Variants in BPIFC observed in about 807,000 individuals in gnomAD.
The protein encoded by BPIFC is BPI fold containing family C.
A neutral mutation model predicts 57.6 loss-of-function variants in BPIFC; 60 were observed. The ratio of observed to expected loss-of-function variants is 1.04; its 90% CI spans 0.85 to 1.29. The LOEUF is 1.29. Among genes scored for constraint, BPIFC ranks in the 50% most tolerant of loss-of-function variants. The probability of loss-of-function intolerance (pLI) is 0.00; values close to 1 mark genes in which losing one functional copy is unlikely to be tolerated. For missense variants in BPIFC, 581 were observed against 600.5 expected (o/e 0.97, Z 0.34); for synonymous variants, 243 against 224.5 (o/e 1.08, Z -0.74).
intron 7 of BPIFC, among the ~76,000 whole-genome samples, chr22:32,444,176 C>A (rs1041110705): frequency 6.6e-6 from 1 of 152,156 alleles, no homozygotes; most frequent in South Asian, 2.1e-4. Context: ...GCAAAAGGAC[C>A]GTGCCTCGTT....
chr22:32,417,179 G>A, intron 14 of BPIFC, 31 bp from the exon 15 acceptor site: 1 of 1,437,434 alleles, frequency 7.0e-7, no homozygotes, highest in African/African-American at 1.5e-5. Flanking sequence ...GAATCAATTG[G>A]CAGATCGGGC....
chr22:32,443,523 C>G (rs1934630458), intron 7 of BPIFC, among the ~76,000 whole-genome samples: 1 of 152,204 alleles, frequency 6.6e-6, no homozygotes, highest in Admixed American at 6.5e-5. Context: ...TATCAGAGAT[C>G]TACTTAGAGA....
At chr22:32,431,004 GA>G (rs1252109861) in intron 13 of BPIFC, among the ~76,000 whole-genome samples, 1 of 151,730 alleles carries the variant, frequency 6.6e-6, no homozygotes, top group African/African-American at 2.4e-5. Context: ...TACTATAATG[GA>G]AAAAAGAAAA....
chr22:32,430,510 TATA>T (rs1344182871), intron 13 of BPIFC, among the ~76,000 whole-genome samples: 2 of 146,536 alleles, frequency 1.4e-5, no homozygotes, highest in Admixed American at 6.8e-5. Context: ...AGGAAATAAA[TATA>T]ATATATAAAA....
intron 1 of BPIFC, among the ~76,000 whole-genome samples, chr22:32,463,781 C>T (rs1412465844): frequency 6.6e-6 from 1 of 152,180 alleles, no homozygotes; most frequent in Non-Finnish European, 1.5e-5. Flanking sequence ...ATCCACTCCT[C>T]ACATCTAGTT....
chr22:32,424,083 ATGACTATATGC>A (rs1569447680), intron 13 of BPIFC, among the ~76,000 whole-genome samples: 1 of 152,100 alleles, frequency 6.6e-6, no homozygotes, highest in Non-Finnish European at 1.5e-5. Flanking sequence ...TTCTGGATCA[ATGACTATATGC>A]TGACTGTTGT....
intron 1 of BPIFC, among the ~76,000 whole-genome samples, chr22:32,462,191 G>GAAAAAAAAAAAAAAAAAAAAAAAAAA (rs1935179848): frequency 2.1e-5 from 2 of 95,002 alleles, no homozygotes; most frequent in Admixed American, 1.1e-4. Context: ...AAAAAAAAAA[G>GAAAAAAAAAAAAAAAAAAAAAAAAAA]AAAAAAGAAA....
intron 13 of BPIFC, among the ~76,000 whole-genome samples, chr22:32,424,660 T>TCC (rs1569448003): frequency 1.6e-5 from 1 of 60,988 alleles, no homozygotes; most frequent in East Asian, 4.9e-4. Flanking sequence ...CTTCTTCTTC[T>TCC]TCTTCTTCTT....
At chr22:32,425,110 C>T (rs901775877) in intron 13 of BPIFC, among the ~76,000 whole-genome samples, 2 of 152,108 alleles carry the variant, frequency 1.3e-5, no homozygotes, top group Non-Finnish European at 2.9e-5. Context: ...CAAAGCTCTT[C>T]ACTACATCAA....
At chr22:32,415,059 T>A (rs1933630076) in intron 16 of BPIFC, among the ~76,000 whole-genome samples, 1 of 152,236 alleles carries the variant, frequency 6.6e-6, no homozygotes, top group Non-Finnish European at 1.5e-5. Context: ...GATTGGGGGA[T>A]GGTTTCGGGA....
In BPIFC at chr22:32,443,364, C is replaced by T. The variant is rs1027080482; in HGVS notation, c.595-633G>A. Among the ~76,000 whole-genome samples the T allele has an allele frequency of 5.9e-5, 9 of 152,178 alleles. 1 individual carries two copies. Among genetic ancestry groups the T allele is most frequent in the South Asian group, 4.1e-4 (2 of 4,820 alleles). Reference sequence around the variant, plus strand: ...ATTTTTAGTAGAGACGGGGTTTCACCGTGTTAGCCAGGATGGTCTCGATCT... The same window carrying T: ...ATTTTTAGTAGAGACGGGGTTTCACTGTGTTAGCCAGGATGGTCTCGATCT... On this transcript the variant is annotated intron_variant, in intron 7 of 16. Transcript: ENST00000300399.
At chr22:32,445,577 A>G (rs1049501192) in intron 7 of BPIFC, 58 bp downstream of exon 7, 1 of 1,426,268 alleles carries the variant, frequency 7.0e-7, no homozygotes, top group Non-Finnish European at 9.8e-7. Flanking sequence ...TAATTAAAGG[A>G]TGATAGAACT....
At chr22:32,431,476 A>C in intron 12 of BPIFC, 62 bp from the exon 13 acceptor site, 1 of 1,148,518 alleles carries the variant, frequency 8.7e-7, no homozygotes. Flanking sequence ...CCATCAGTAT[A>C]ATTTCCAATA....
chr22:32,463,544 C>A lies in BPIFC; in HGVS notation c.-89+830G>T, dbSNP rs139599693. ...AAACTCACAGATGGTCCTACTACTA[C>A]TGCTGCTTGGCAAGAGCTTTGACTG... is the stretch of plus-strand genomic sequence containing the variant. On this transcript the variant is annotated intron_variant, in intron 1 of 16. Coordinates refer to ENST00000300399, the MANE Select transcript of BPIFC (RefSeq NM_174932.3). Among the ~76,000 whole-genome samples, 797 of 152,302 alleles carry A rather than the reference C, an allele frequency of 5.2e-3. 7 individuals carry two copies. Among genetic ancestry groups the A allele is most frequent in the African/African-American group, 0.018 (761 of 41,560 alleles).
chr22:32,437,043 A>T (rs1934426586), intron 9 of BPIFC, among the ~76,000 whole-genome samples: 1 of 152,240 alleles, frequency 6.6e-6, no homozygotes, highest in Non-Finnish European at 1.5e-5. Context: ...GCCCTGACAG[A>T]GGTCAGCAGC....
At chr22:32,440,826 G>A (rs1343255944) in intron 8 of BPIFC, among the ~76,000 whole-genome samples, 4 of 152,044 alleles carry the variant, frequency 2.6e-5, no homozygotes, top group African/African-American at 4.8e-5. Context: ...CCCTAGGCCG[G>A]CCACCATCAT....
chr22:32,463,212 A>G (rs1018347874), intron 1 of BPIFC, among the ~76,000 whole-genome samples: 2 of 152,176 alleles, frequency 1.3e-5, no homozygotes, highest in Non-Finnish European at 2.9e-5. Flanking sequence ...ATGATAACTT[A>G]TGGGCAGGGG....
intron 1 of BPIFC, among the ~76,000 whole-genome samples, chr22:32,463,097 G>A (rs1239248494): frequency 1.3e-5 from 2 of 152,154 alleles, no homozygotes; most frequent in East Asian, 3.8e-4. Context: ...CAAAATTACA[G>A]GCAGGAAAAC....
At position 32,419,319 on chromosome 22, in the gene BPIFC, C is replaced by G. The variant is rs997860149; in HGVS notation, c.1260+43G>C. 10 of 1,575,806 alleles carry G rather than the reference C, an allele frequency of 6.3e-6. No individual in the cohort carries two copies. In the Admixed American group the frequency reaches 1.0e-4, roughly 17 times the overall value. On this transcript the variant is annotated intron_variant, in intron 14 of 16. Coordinates refer to ENST00000300399, the MANE Select transcript of BPIFC (RefSeq NM_174932.3). ...CTATTATATATAGTAGGAGAATCCT[C>G]GTTCTTCCAGTGCTTGGTAACCCCA...
Sources: allele counts gnomAD v4.1 joint callset (sites outside exome capture counted in the v4.1 genomes callset), GRCh38; gene constraint gnomAD v4.1.1; transcripts MANE v1.5; gene names NCBI Gene and HGNC (gene_info 2026-07-23, HGNC 2026-07-21).